CCSER1: variants seen among roughly 807,000 people sequenced by gnomAD.
The protein encoded by CCSER1 is serine-rich coiled-coil domain-containing protein 1.
CCSER1 carries 41 observed loss-of-function variants against 82.0 expected under a neutral mutation model. That is an observed-to-expected ratio of 0.50 (90% confidence interval 0.39 to 0.65). The LOEUF (loss-of-function observed/expected upper bound fraction) is 0.65, where lower values mean the gene tolerates loss of function less well. CCSER1 is among the 30% of genes least tolerant of loss of function. CCSER1 has a pLI of 0.00. For missense variants in CCSER1, 1,119 were observed against 1,064.2 expected (o/e 1.05, Z -0.72); for synonymous variants, 414 against 383.9 (o/e 1.08, Z -0.92).
At chr4:91,372,945 T>G (rs190799247) in intron 10 of CCSER1, among the ~76,000 whole-genome samples, 1 of 152,126 alleles carries the variant, frequency 6.6e-6, no homozygotes, top group East Asian at 1.9e-4. Flanking sequence ...AGTATCTTAA[T>G]GAAGCAGCCT....
At chr4:91,380,869 T>C (rs1750831839) in intron 10 of CCSER1, among the ~76,000 whole-genome samples, 1 of 152,218 alleles carries the variant, frequency 6.6e-6, no homozygotes, top group Non-Finnish European at 1.5e-5. Flanking sequence ...TGTCATGTTT[T>C]TGCAGTGGCT....
intron 10 of CCSER1, among the ~76,000 whole-genome samples, chr4:91,353,833 T>C (rs140240480): frequency 6.6e-6 from 1 of 152,190 alleles, no homozygotes; most frequent in Admixed American, 6.5e-5. Flanking sequence ...TATAAGAGTT[T>C]TAAATCCTCC....
At chr4:90,635,048 G>A (rs890138430) in intron 6 of CCSER1, among the ~76,000 whole-genome samples, 1 of 151,734 alleles carries the variant, frequency 6.6e-6, no homozygotes, top group East Asian at 1.9e-4. Context: ...TGGATGGCTT[G>A]TTTCACCAAT....
chr4:90,301,964 GTTTA>G (rs777801828), intron 1 of CCSER1, among the ~76,000 whole-genome samples: 4 of 151,986 alleles, frequency 2.6e-5, no homozygotes, highest in Non-Finnish European at 4.4e-5. Context: ...GTTTTCAACT[GTTTA>G]TTAGCAAATT....
intron 10 of CCSER1, among the ~76,000 whole-genome samples, chr4:91,473,972 C>A (rs139375182): frequency 2.6e-5 from 4 of 151,992 alleles, no homozygotes; most frequent in Non-Finnish European, 5.9e-5. Context: ...AATCATTTTT[C>A]GAGAATATAA....
intron 10 of CCSER1, among the ~76,000 whole-genome samples, chr4:91,330,859 A>T (rs1443743207): frequency 6.6e-6 from 1 of 152,140 alleles, no homozygotes; most frequent in African/African-American, 2.4e-5. Flanking sequence ...ATTAAATGTA[A>T]AGTTCCACAA....
In CCSER1 at chr4:90,400,188, C is replaced by T. The variant is rs897730873; in HGVS notation, c.1603+59C>T. On this transcript the variant is annotated intron_variant, in intron 4 of 10. Transcript: ENST00000509176. ...CTCCTACCCTGGTCAGTAGCTTTCA[C>T]TGATAGCCTAAACACTGTTAAGGCT... is the stretch of plus-strand genomic sequence containing the variant. The T allele has an allele frequency of 6.7e-6, 6 of 900,770 alleles. No individual in the cohort carries two copies. In the African/African-American group the frequency reaches 8.2e-5, roughly 12 times the overall value. The allele number at this position is 900,770 out of a possible 1,614,324, so 55.8% of individuals were successfully genotyped here. A position where few individuals can be genotyped will look rare whatever the true frequency, so the allele number is the denominator to read the frequency against.
intron 10 of CCSER1, among the ~76,000 whole-genome samples, chr4:91,431,510 C>T (rs79193475): frequency 1.3e-5 from 2 of 151,950 alleles, no homozygotes; most frequent in Admixed American, 6.6e-5. Context: ...TCTTGTTGCC[C>T]GGGCTGGAGT....
intron 4 of CCSER1, among the ~76,000 whole-genome samples, chr4:90,401,053 A>G (rs773292246): frequency 3.3e-5 from 5 of 152,182 alleles, no homozygotes; most frequent in Non-Finnish European, 7.4e-5. Flanking sequence ...TCATTTATGT[A>G]GTATATTTGG....
intron 9 of CCSER1, among the ~76,000 whole-genome samples, chr4:91,083,033 G>A (rs749456550): frequency 1.3e-5 from 2 of 152,060 alleles, no homozygotes; most frequent in East Asian, 1.9e-4. Flanking sequence ...ACTAGGAATA[G>A]CATTTGACCC....
At chr4:91,279,287 G>A (rs1742726713) in intron 10 of CCSER1, among the ~76,000 whole-genome samples, 1 of 151,984 alleles carries the variant, frequency 6.6e-6, no homozygotes, top group African/African-American at 2.4e-5. Context: ...TCAATCTCTT[G>A]CTAGAGTTGG....
chr4:90,923,475 A>G lies in CCSER1; in HGVS notation c.2172+28A>G, dbSNP rs1255237280. On this transcript the variant is annotated intron_variant, in intron 9 of 10. Transcript: ENST00000509176. Reference sequence around the variant, plus strand: ...AAGTAGCTCTGTAAAACCATTTTTAACTTCATTATTGGCATTCAGACCTCC... The same window carrying G: ...AAGTAGCTCTGTAAAACCATTTTTAGCTTCATTATTGGCATTCAGACCTCC... 3.4e-6 allele frequency: 5 copies of G among 1,480,124 alleles called. No individual in the cohort carries two copies. In the African/African-American group the frequency reaches 5.6e-5, roughly 17 times the overall value. The allele number at this position is 1,480,124 out of a possible 1,614,324, so 91.7% of individuals were successfully genotyped here. A position where few individuals can be genotyped will look rare whatever the true frequency, so the allele number is the denominator to read the frequency against.
chr4:90,791,362 G>C (rs946620602), intron 7 of CCSER1, among the ~76,000 whole-genome samples: 1 of 152,164 alleles, frequency 6.6e-6, no homozygotes, highest in African/African-American at 2.4e-5. Flanking sequence ...TTTGTGGAAA[G>C]AAGAGTCAAC....
chr4:91,016,046 G>A (rs1336367674), intron 9 of CCSER1, among the ~76,000 whole-genome samples: 1 of 151,934 alleles, frequency 6.6e-6, no homozygotes, highest in East Asian at 1.9e-4. Flanking sequence ...CTTGGATCAC[G>A]AGTTCTCTGT....
intron 7 of CCSER1, among the ~76,000 whole-genome samples, chr4:90,731,568 C>A (rs555037383): frequency 2.6e-5 from 4 of 152,090 alleles, no homozygotes; most frequent in South Asian, 4.1e-4. Context: ...AAATAAAATT[C>A]TTTGAGGGAT....
intron 9 of CCSER1, among the ~76,000 whole-genome samples, chr4:91,085,153 A>T (rs1474716646): frequency 6.6e-6 from 1 of 152,002 alleles, no homozygotes; most frequent in African/African-American, 2.4e-5. Context: ...GTATGTGATA[A>T]ATGCATTGGT....
chr4:90,425,820 T>C (rs972113548), intron 4 of CCSER1, among the ~76,000 whole-genome samples: 1 of 152,144 alleles, frequency 6.6e-6, no homozygotes, highest in African/African-American at 2.4e-5. Context: ...ACACTAAACT[T>C]GACTTCCAGC....
At chr4:91,051,023 C>T (rs1040396660) in intron 9 of CCSER1, among the ~76,000 whole-genome samples, 1 of 152,010 alleles carries the variant, frequency 6.6e-6, no homozygotes, top group Non-Finnish European at 1.5e-5. Context: ...GAATTTCATG[C>T]CATATATGAG....
intron 9 of CCSER1, among the ~76,000 whole-genome samples, chr4:91,044,273 A>T (rs973101227): frequency 6.6e-5 from 10 of 152,232 alleles, no homozygotes; most frequent in African/African-American, 2.2e-4. Flanking sequence ...CAATTCAAAG[A>T]TATACAGAGA....
Sources: allele counts gnomAD v4.1 joint callset (sites outside exome capture counted in the v4.1 genomes callset), GRCh38; gene constraint gnomAD v4.1.1; transcripts MANE v1.5; gene names NCBI Gene and HGNC (gene_info 2026-07-23, HGNC 2026-07-21).